PCDHA4: variants seen among roughly 807,000 people sequenced by gnomAD.
The protein encoded by PCDHA4 is protocadherin alpha 4.
In PCDHA4, 49 loss-of-function variants were observed where a neutral mutation model predicts 61.4. That is an observed-to-expected ratio of 0.80 (90% CI 0.63 to 1.01). The LOEUF (loss-of-function observed/expected upper bound fraction) is 1.01, where lower values mean the gene tolerates loss of function less well. Among genes scored for constraint, PCDHA4 ranks in the 50% least tolerant of loss-of-function variants. PCDHA4 has a pLI of 0.00. For synonymous variants in PCDHA4, 590 were observed against 550.3 expected, an observed-to-expected ratio of 1.07 and a Z score of -1.01; for missense variants, 1,254 against 1,235.8, an observed-to-expected ratio of 1.01 and a Z score of -0.22.
At chr5:140,843,844 A>T in intron 1 of PCDHA4, 1 of 1,001,286 alleles carries the variant, frequency 1.0e-6, no homozygotes, top group Non-Finnish European at 1.5e-6. Flanking sequence ...GTTTTTAGAA[A>T]CCTTTTATAA....
At chr5:140,869,609 C>T (rs1554163287) in intron 1 of PCDHA4, 1 of 1,613,972 alleles carries the variant, frequency 6.2e-7, no homozygotes, top group Non-Finnish European at 8.5e-7. Flanking sequence ...GCTCTATTGA[C>T]CTACAGGCTA....
chr5:140,920,972 T>C (rs246075), intron 1 of PCDHA4, among the ~76,000 whole-genome samples: 86,063 of 151,854 alleles, frequency 0.57, 25,081 homozygotes, highest in African/African-American at 0.71. Flanking sequence ...TACTAGAGTA[T>C]AATATTGTAT....
At chr5:140,826,611 A>G (rs1466562195) in intron 1 of PCDHA4, among the ~76,000 whole-genome samples, 1 of 152,158 alleles carries the variant, frequency 6.6e-6, no homozygotes, top group Non-Finnish European at 1.5e-5. Flanking sequence ...ATTAAGGGCG[A>G]AGTTGATATT....
At position 140,890,629 on chromosome 5, in the gene PCDHA4, A is replaced by T. The variant is rs6883083; in HGVS notation, c.2385+81057A>T. On this transcript the variant is annotated intron_variant, in intron 1 of 3. Transcript: ENST00000530339. ...TAGTGCTTACCCTAGAAAATTAAGCATGTATCCTTGATATATCAAAATCAA... is the reference window on the plus strand; with the variant it reads ...TAGTGCTTACCCTAGAAAATTAAGCTTGTATCCTTGATATATCAAAATCAA... Among the ~76,000 whole-genome samples, 1,394 of 152,274 alleles carry T rather than the reference A, an allele frequency of 9.2e-3. 17 individuals are homozygous for T. Among genetic ancestry groups the T allele is most frequent in the African/African-American group, 0.032 (1,348 of 41,546 alleles).
At chr5:140,835,237 T>G (rs1271413656) in intron 1 of PCDHA4, 2 of 1,599,540 alleles carry the variant, frequency 1.3e-6, no homozygotes, top group Non-Finnish European at 1.7e-6. Context: ...TCCAGTGATG[T>G]TTCTCCAGAT....
chr5:140,836,101 C>G lies in PCDHA4; in HGVS notation c.2385+26529C>G, dbSNP rs1554135618. On this transcript the variant is annotated intron_variant, in intron 1 of 3. Transcript: ENST00000530339. ...CTGCTGGCGCCTCGGGTGGGTGGCA[C>G]TGGTGGCGCAGTGAGAGAGCTTGTG... 8 of 1,613,594 alleles carry G rather than the reference C, an allele frequency of 5.0e-6. No individual in the cohort carries two copies. In the Admixed American group the frequency reaches 1.3e-4, roughly 27 times the overall value.
At position 140,947,043 on chromosome 5, in the gene PCDHA4, G is replaced by T. The variant is rs188994500; in HGVS notation, c.2386-31906G>T. Among the ~76,000 whole-genome samples the T allele has an allele frequency of 1.7e-3, 259 of 151,702 alleles. 2 individuals carry two copies. Among genetic ancestry groups the T allele is most frequent in the African/African-American group, 5.9e-3 (243 of 41,466 alleles). On this transcript the variant is annotated intron_variant, in intron 1 of 3. Transcript: ENST00000530339. ...AGGTAATGGATATACTAATTACCCT[G>T]ATTTGATCATTACACAGTGTATATA... is the stretch of plus-strand genomic sequence containing the variant.
At position 140,807,921 on chromosome 5, in the gene PCDHA4, C is replaced by T; in HGVS notation, c.734C>T (p.Thr245Ile). Reference protein sequence around the residue: ...ANDNAPAFDRTIYKVRLLENV... With the variant: ...ANDNAPAFDRIIYKVRLLENV... ...GACAATGCCCCAGCTTTTGACAGAA[C>T]CATTTATAAGGTGAGATTACTAGAA... Residue 245 changes from threonine to isoleucine, a missense_variant, in exon 1 of 4, where the codon ACC (threonine) becomes ATC (isoleucine). Coordinates refer to ENST00000530339, the MANE Select transcript of PCDHA4 (RefSeq NM_018907.4). 2 of 1,614,010 alleles carry T rather than the reference C, an allele frequency of 1.2e-6. No individual in the cohort carries two copies. Among genetic ancestry groups the T allele is most frequent in the South Asian group, 2.2e-5 (2 of 91,074 alleles).
intron 2 of PCDHA4, among the ~76,000 whole-genome samples, chr5:140,981,156 T>C (rs747008016): frequency 2.9e-4 from 44 of 152,360 alleles, no homozygotes; most frequent in Admixed American, 6.5e-4. Context: ...ATTGAACTTA[T>C]ATGTTGCCTT....
chr5:140,814,832 T>C (rs145888595), intron 1 of PCDHA4: 74 of 152,356 alleles, frequency 4.9e-4, no homozygotes, highest in African/African-American at 1.8e-3. Context: ...TATTTCTCCA[T>C]TTCTGTGAAT....
intron 1 of PCDHA4, chr5:140,870,855 G>T: frequency 3.7e-6 from 6 of 1,613,910 alleles, no homozygotes; most frequent in East Asian, 2.2e-5. Context: ...CGCGGTCGGT[G>T]GGTGCGGGCC....
intron 1 of PCDHA4, chr5:140,828,616 C>G: frequency 6.2e-7 from 1 of 1,614,142 alleles, no homozygotes; most frequent in Non-Finnish European, 8.5e-7. Flanking sequence ...TCAGTTCTAG[C>G]GAATACTTCG....
intron 3 of PCDHA4, among the ~76,000 whole-genome samples, chr5:140,992,293 G>A (rs1043574685): frequency 1.3e-5 from 2 of 152,136 alleles, no homozygotes; most frequent in African/African-American, 2.4e-5. Flanking sequence ...GCAAAGGATG[G>A]GAGTATTGTT....
At chr5:140,813,285 T>C (rs1324188008) in intron 1 of PCDHA4, 2 of 151,914 alleles carry the variant, frequency 1.3e-5, no homozygotes, top group African/African-American at 4.9e-5. Context: ...GAGAATTGTA[T>C]CATTCTGAGA....
At position 140,840,142 on chromosome 5, in the gene PCDHA4, A is replaced by G. The variant is rs2150303821; in HGVS notation, c.2385+30570A>G. ...TGTACTAATAAGGACAGAAATTATC[A>G]CACGTGAAAGGAGAGATGGGATGTA... On this transcript the variant is annotated intron_variant, in intron 1 of 3. Coordinates refer to ENST00000530339, the MANE Select transcript of PCDHA4 (RefSeq NM_018907.4). Among the ~76,000 whole-genome samples, 125 of 152,144 alleles carry G rather than the reference A, an allele frequency of 8.2e-4. 4 individuals carry two copies. The highest frequency in any genetic ancestry group is 2.9e-3 in the African/African-American group (122 of 41,494).
At chr5:140,997,456 C>T (rs2097770717) in intron 3 of PCDHA4, among the ~76,000 whole-genome samples, 1 of 152,146 alleles carries the variant, frequency 6.6e-6, no homozygotes, top group African/African-American at 2.4e-5. Context: ...ATACTGAATA[C>T]TGTAGGCAAT....
intron 1 of PCDHA4, chr5:140,829,659 T>C: frequency 6.2e-7 from 1 of 1,612,676 alleles, no homozygotes. Flanking sequence ...CTGCAGCCGC[T>C]GGACCACGAG....
At chr5:140,908,726 G>A (rs1304356386) in intron 1 of PCDHA4, among the ~76,000 whole-genome samples, 3 of 152,188 alleles carry the variant, frequency 2.0e-5, no homozygotes, top group African/African-American at 4.8e-5. Flanking sequence ...TGGGTCATAT[G>A]GCTCGAGAAA....
At chr5:140,875,868 G>A (rs781927681) in intron 1 of PCDHA4, 3 of 1,614,210 alleles carry the variant, frequency 1.9e-6, no homozygotes, top group Non-Finnish European at 8.5e-7. Context: ...ACCCGCCGGT[G>A]TTCAGAGAAA....
Sources: allele counts gnomAD v4.1 joint callset (sites outside exome capture counted in the v4.1 genomes callset), GRCh38; gene constraint gnomAD v4.1.1; transcripts MANE v1.5; gene names NCBI Gene and HGNC (gene_info 2026-07-23, HGNC 2026-07-21).